SNX14: variants seen among roughly 807,000 people sequenced by gnomAD.
SNX14 encodes the protein sorting nexin-14.
SNX14 carries 93 observed loss-of-function variants against 133.8 expected under a neutral mutation model. That is an observed-to-expected ratio of 0.70 (90% confidence interval 0.59 to 0.83). The LOEUF is 0.83. SNX14 is among the 40% of genes least tolerant of loss of function. SNX14 has a pLI of 0.00. For missense variants in SNX14, 945 were observed against 1,094.9 expected, an observed-to-expected ratio of 0.86 and a Z score of 1.93; for synonymous variants, 368 against 365.6, an observed-to-expected ratio of 1.01 and a Z score of -0.07.
intron 21 of SNX14, among the ~76,000 whole-genome samples, chr6:85,524,618 C>T (rs1777997986): frequency 6.6e-6 from 1 of 151,950 alleles, no homozygotes; most frequent in Non-Finnish European, 1.5e-5. Flanking sequence ...CCCATCTCTA[C>T]TAAAACTACA....
intron 20 of SNX14, among the ~76,000 whole-genome samples, chr6:85,527,833 CT>C (rs1235377613): frequency 6.6e-6 from 1 of 151,958 alleles, no homozygotes; most frequent in African/African-American, 2.4e-5. Context: ...AGAAAAGGGA[CT>C]GAGGAATAAC....
chr6:85,556,487 T>TC (rs1189125608), intron 7 of SNX14, among the ~76,000 whole-genome samples: 2 of 151,638 alleles, frequency 1.3e-5, no homozygotes, highest in Non-Finnish European at 2.9e-5. Context: ...TTTTTTTTTT[T>TC]TGAGATGGAG....
intron 21 of SNX14, among the ~76,000 whole-genome samples, chr6:85,522,400 G>C (rs1273141165): frequency 6.6e-6 from 1 of 152,128 alleles, no homozygotes; most frequent in African/African-American, 2.4e-5. Context: ...TCAGCTTCAA[G>C]GTATACACAC....
At chr6:85,576,910 C>T (rs1797519813) in intron 1 of SNX14, among the ~76,000 whole-genome samples, 2 of 152,044 alleles carry the variant, frequency 1.3e-5, no homozygotes, top group African/African-American at 4.8e-5. Context: ...AGAAGGATAT[C>T]ATTAGATTAA....
In SNX14 at chr6:85,533,798, A is replaced by C; in HGVS notation, c.1611T>G (p.Ile537Met). The C allele has an allele frequency of 1.2e-6, 2 of 1,610,200 alleles. No individual in the cohort carries two copies. Among genetic ancestry groups the C allele is most frequent in the Non-Finnish European group, 1.7e-6 (2 of 1,179,182 alleles). ...CTTCCATTACAACAATACCTTCTTC[A>C]ATCTGGAAAAAAATTACCAGGATGA... Reference protein sequence around the residue: ...YGVAEGEDDFIEEGIVVMEDD... With the variant: ...YGVAEGEDDFMEEGIVVMEDD... Residue 537 changes from isoleucine (I) to methionine (M), a missense_variant and splice_region_variant, in exon 18 of 29, where the codon ATT (isoleucine) becomes ATG (methionine). Physicochemically the swap from Ile to Met is conservative, Grantham distance 10. This residue lies in a region of SNX14 where 412 missense variants were observed against 516.6 expected (regional missense o/e 0.80). Transcript: ENST00000314673.
At position 85,517,620 on chromosome 6, in the gene SNX14, C is replaced by T. The variant is rs1201291293; in HGVS notation, c.2268+136G>A. 3 of 1,036,762 alleles carry T rather than the reference C, an allele frequency of 2.9e-6. No individual in the cohort carries two copies. The African/African-American group carries it at 4.9e-5, about 17-fold the overall frequency. The allele number at this position is 1,036,762 out of a possible 1,614,324, so 64.2% of individuals were successfully genotyped here. ...CACACAATACCCTCTGTATACCGTT[C>T]AACTGATTTCCACATAAAGGAAATG... On this transcript the variant is annotated intron_variant, in intron 23 of 28. Coordinates refer to ENST00000314673, the MANE Select transcript of SNX14 (RefSeq NM_153816.6).
Position 85,557,962 on chromosome 6 carries a change from G to T in SNX14, c.634+14C>A. ...AAACAAAATTACTCAAACTGTAGTA[G>T]AAAACTGTATTACCTTTCTGTCTGG... On this transcript the variant is annotated intron_variant, in intron 7 of 28. Coordinates refer to ENST00000314673, the MANE Select transcript of SNX14 (RefSeq NM_153816.6). 6.6e-7 allele frequency: 1 copy of T among 1,507,462 alleles called. No individual in the cohort carries two copies. Among genetic ancestry groups the T allele is most frequent in the South Asian group, 1.2e-5 (1 of 84,844 alleles). The allele number at this position is 1,507,462 out of a possible 1,614,324, so 93.4% of individuals were successfully genotyped here. A position where few individuals can be genotyped will look rare whatever the true frequency, so the allele number is the denominator to read the frequency against.
chr6:85,536,843 C>A lies in SNX14; in HGVS notation c.1557G>T (p.Met519Ile). The change falls in exon 17 of 29, where the codon ATG becomes ATT. Residue 519 changes from methionine to isoleucine, a missense_variant. Met to Ile is a conservative substitution (Grantham distance 10). Transcript: ENST00000314673. ...KIKGVFKSTT[M>I]EGAMLPNYGV... ...CATAATTAGGCAACATAGCTCCCTCCATTGTGGTACTTTTGAATACTCCTT... is the reference window on the plus strand; with the variant it reads ...CATAATTAGGCAACATAGCTCCCTCAATTGTGGTACTTTTGAATACTCCTT... 3.7e-6 allele frequency: 6 copies of A among 1,613,408 alleles called. No homozygotes were observed. Among genetic ancestry groups the A allele is most frequent in the Non-Finnish European group, 5.1e-6 (6 of 1,179,642 alleles).
chr6:85,578,456 G>C (rs1798002068), intron 1 of SNX14, among the ~76,000 whole-genome samples: 1 of 152,110 alleles, frequency 6.6e-6, no homozygotes, highest in Non-Finnish European at 1.5e-5. Flanking sequence ...GGTATCCTGG[G>C]GAACTGCTGG....
intron 7 of SNX14, among the ~76,000 whole-genome samples, chr6:85,554,536 A>C (rs1261441256): frequency 6.6e-6 from 1 of 152,130 alleles, no homozygotes; most frequent in Non-Finnish European, 1.5e-5. Flanking sequence ...AAAATCAAAA[A>C]TTTGAAAACT....
chr6:85,507,258 T>G lies in SNX14; in HGVS notation c.2777A>C (p.Gln926Pro), dbSNP rs771123735. The change falls in exon 28 of 29, where the codon CAG (glutamine) becomes CCG (proline). Residue 926 changes from glutamine to proline, a missense_variant. By Grantham distance (76) the Gln-to-Pro change is moderately conservative. Coordinates refer to ENST00000314673, the MANE Select transcript of SNX14 (RefSeq NM_153816.6). ...CTTATTGAGCTCTGGAAACAGTTCC[T>G]GTATCACAATGTCCAATAAAACATA... Reference protein sequence around the residue: ...LTYVLLDIVIQELFPELNKVQ... With the variant: ...LTYVLLDIVIPELFPELNKVQ... 2.0e-5 allele frequency: 33 copies of G among 1,611,188 alleles called. No individual in the cohort carries two copies. The highest frequency in any genetic ancestry group is 2.6e-5 in the Non-Finnish European group (31 of 1,179,136).
rs145526977 is a variant in SNX14 at position 85,578,023 on chromosome 6, G to A, written c.141-3645C>T. Among the ~76,000 whole-genome samples the A allele has an allele frequency of 7.6e-4, 115 of 152,278 alleles. 2 individuals are homozygous for A. The East Asian group carries it at 0.012, about 15-fold the overall frequency. On this transcript the variant is annotated intron_variant, in intron 1 of 28. Transcript: ENST00000314673. Reference sequence around the variant, plus strand: ...ATAATTCTCTTTCTAAATAAAAGGAGAGCTAACACAGTAACTGGAGGGGGA... The same window carrying A: ...ATAATTCTCTTTCTAAATAAAAGGAAAGCTAACACAGTAACTGGAGGGGGA...
intron 6 of SNX14, among the ~76,000 whole-genome samples, chr6:85,564,648 T>A (rs1323513730): frequency 6.6e-6 from 1 of 152,038 alleles, no homozygotes; most frequent in Non-Finnish European, 1.5e-5. Flanking sequence ...TTTTTTAACC[T>A]AAAAAAATGA....
chr6:85,593,778 C>T lies in SNX14; in HGVS notation c.-60G>A. Reference sequence around the variant, plus strand: ...CTGAGGCAGAGGTCAAGGCGACCCCCCATCCACACCTCGCGTCCCCGCCCC... The same window carrying T: ...CTGAGGCAGAGGTCAAGGCGACCCCTCATCCACACCTCGCGTCCCCGCCCC... On this transcript the variant is annotated 5_prime_UTR_variant, in exon 1 of 29. Transcript: ENST00000314673. The T allele has an allele frequency of 1.3e-6, 2 of 1,582,146 alleles. No individual in the cohort carries two copies. The highest frequency in any genetic ancestry group is 1.7e-6 in the Non-Finnish European group (2 of 1,168,064).
chr6:85,550,348 T>G (rs1373046321), intron 7 of SNX14, among the ~76,000 whole-genome samples: 1 of 152,172 alleles, frequency 6.6e-6, no homozygotes, highest in African/African-American at 2.4e-5. Context: ...CCTCTACAAG[T>G]TATATAAAAT....
chr6:85,593,750 T>C lies in SNX14; in HGVS notation c.-32A>G, dbSNP rs530362200. On this transcript the variant is annotated 5_prime_UTR_variant, in exon 1 of 29. Coordinates refer to ENST00000314673, the MANE Select transcript of SNX14 (RefSeq NM_153816.6). ...AACGGCGAGGCCGAGACTGCGCTAC[T>C]GGCTGAGGCAGAGGTCAAGGCGACC... The C allele has an allele frequency of 2.2e-5, 35 of 1,612,392 alleles. No homozygotes were observed. The African/African-American group carries it at 4.4e-4, about 20-fold the overall frequency.
At chr6:85,582,594 A>G (rs1799381818) in intron 1 of SNX14, among the ~76,000 whole-genome samples, 1 of 152,168 alleles carries the variant, frequency 6.6e-6, no homozygotes, top group Non-Finnish European at 1.5e-5. Flanking sequence ...GATAAAGGGG[A>G]TATCATCACT....
chr6:85,508,701 T>C (rs1373103332), intron 26 of SNX14, among the ~76,000 whole-genome samples: 1 of 152,184 alleles, frequency 6.6e-6, no homozygotes, highest in African/African-American at 2.4e-5. Flanking sequence ...TAAACACTTA[T>C]TTAGGGTCCA....
At chr6:85,555,705 C>A (rs541735081) in intron 7 of SNX14, among the ~76,000 whole-genome samples, 4 of 152,074 alleles carry the variant, frequency 2.6e-5, no homozygotes, top group African/African-American at 9.7e-5. Context: ...TAAAACCTAA[C>A]GAGGCCAGGC....
Sources: gnomAD v4.1 joint callset for allele counts (sites outside exome capture counted in the v4.1 genomes callset) on GRCh38, gnomAD v4.1.1 for gene constraint, gnomAD v4.1.1 regional missense constraint, MANE v1.5 for transcripts, NCBI Gene and HGNC (gene_info 2026-07-23, HGNC 2026-07-21) for gene names.